The following CSMD1 variants were observed in gnomAD, a reference collection of about 807,000 sequenced individuals.
CSMD1 encodes the protein CUB and sushi domain-containing protein 1.
Under a neutral mutation model 417.5 loss-of-function variants are expected in CSMD1, and 213 were observed. The observed-to-expected ratio is 0.51, with a 90% confidence interval of 0.46 to 0.57. CSMD1 has a LOEUF of 0.57. Among genes scored for constraint, CSMD1 ranks in the 20% least tolerant of loss-of-function variants. The pLI is 0.00. For synonymous variants in CSMD1, 2,862 were observed against 1,736.8 expected (o/e 1.65, Z -16.11); for missense variants, 6,923 against 4,529.7 (o/e 1.53, Z -15.17).
intron 5 of CSMD1, among the ~76,000 whole-genome samples, chr8:3,819,140 G>C (rs1280048528): frequency 6.6e-6 from 1 of 152,158 alleles, no homozygotes; most frequent in African/African-American, 2.4e-5. Context: ...TGGTCTAGCA[G>C]GCGGAAAGGA....
At chr8:4,387,521 G>C (rs1447878468) in intron 3 of CSMD1, among the ~76,000 whole-genome samples, 1 of 124,206 alleles carries the variant, frequency 8.1e-6, no homozygotes, top group Non-Finnish European at 1.6e-5. Flanking sequence ...TATTTCTGTG[G>C]GAGCTTATCT....
chr8:3,932,882 A>T (rs2554657), intron 5 of CSMD1, among the ~76,000 whole-genome samples: 1,672 of 150,488 alleles, frequency 0.011, 134 homozygotes, highest in East Asian at 0.1. Context: ...AATGTTTTTG[A>T]ATTTTCTATT....
At chr8:4,628,123 G>GTATA (rs34664052) in intron 2 of CSMD1, among the ~76,000 whole-genome samples, 3,000 of 148,042 alleles carry the variant, frequency 0.02, 42 homozygotes, top group Middle Eastern at 0.071. Flanking sequence ...CTGTGTGTGT[G>GTATA]TATATATATA....
intron 5 of CSMD1, among the ~76,000 whole-genome samples, chr8:3,884,203 G>A (rs1012501348): frequency 6.6e-6 from 1 of 152,162 alleles, no homozygotes; most frequent in Non-Finnish European, 1.5e-5. Flanking sequence ...AAATAGGTAA[G>A]TTTGTTTAAT....
intron 41 of CSMD1, among the ~76,000 whole-genome samples, chr8:3,122,536 C>A (rs965151256): frequency 1.3e-5 from 2 of 152,108 alleles, no homozygotes; most frequent in African/African-American, 4.8e-5. Flanking sequence ...ATTGTATCTC[C>A]CAGAATTCCC....
In CSMD1 at chr8:4,318,580, AC is replaced by A. The variant is rs368124672; in HGVS notation, c.415+101372del. Among the ~76,000 whole-genome samples the A allele has an allele frequency of 2.8e-4, 43 of 152,248 alleles. No individual in the cohort carries two copies. In the East Asian group the frequency reaches 7.5e-3, roughly 27 times the overall value. ...GCTTTTACACTAAAAAGAATAAAAA[AC>A]ATGTTGATTGAAATGTTTACCCTTA... On this transcript the variant is annotated intron_variant, in intron 3 of 69. Coordinates refer to ENST00000635120, the MANE Select transcript of CSMD1 (RefSeq NM_033225.6).
At chr8:3,207,738 G>A (rs73660613) in intron 30 of CSMD1, among the ~76,000 whole-genome samples, 1 of 152,140 alleles carries the variant, frequency 6.6e-6, no homozygotes, top group Non-Finnish European at 1.5e-5. Flanking sequence ...AAAGCTGACA[G>A]AAATTTAAGC....
intron 26 of CSMD1, among the ~76,000 whole-genome samples, chr8:3,263,346 G>A (rs1245156646): frequency 2.0e-5 from 3 of 152,196 alleles, no homozygotes; most frequent in Admixed American, 2.0e-4. Context: ...TGATCTGCCT[G>A]CCTTGACCTG....
At chr8:3,199,453 T>G (rs74878473) in intron 33 of CSMD1, among the ~76,000 whole-genome samples, 7,255 of 152,300 alleles carry the variant, frequency 0.048, 192 homozygotes, top group South Asian at 0.089. Context: ...AGAAAGGTAA[T>G]ATGATCAATA....
chr8:4,112,493 C>T (rs551883553), intron 3 of CSMD1, among the ~76,000 whole-genome samples: 1 of 152,254 alleles, frequency 6.6e-6, no homozygotes, highest in Admixed American at 6.5e-5. Flanking sequence ...ATGGAGTGAC[C>T]CATCCTGAAT....
intron 22 of CSMD1, among the ~76,000 whole-genome samples, chr8:3,346,495 A>G (rs1427185478): frequency 6.6e-6 from 1 of 152,232 alleles, no homozygotes; most frequent in East Asian, 1.9e-4. Context: ...TCTTCATGAC[A>G]GTCCCTCATA....
rs1554532940 is a variant in CSMD1 at position 4,962,197 on chromosome 8, T to TTTA, written c.85+32134_85+32135insTAA. On this transcript the variant is annotated intron_variant, in intron 1 of 69. Coordinates refer to ENST00000635120, the MANE Select transcript of CSMD1 (RefSeq NM_033225.6). ...TAAATGTAAATTTCTGCTTTTTTTTTAAAAAAAAAAGAAAAAAACAAATAT... is the reference window on the plus strand; with the variant it reads ...TAAATGTAAATTTCTGCTTTTTTTTTTTAAAAAAAAAAAGAAAAAAACAAATAT... 3.8e-3 allele frequency among the ~76,000 whole-genome samples: 459 copies of TTTA among 121,282 alleles called. 1 individual carries two copies. Among genetic ancestry groups the TTTA allele is most frequent in the Non-Finnish European group, 6.6e-3 (362 of 54,556 alleles). The allele number at this position is 121,282 out of a possible 152,430, so 79.6% of individuals were successfully genotyped here.
At chr8:3,605,936 G>A (rs1317501112) in intron 8 of CSMD1, among the ~76,000 whole-genome samples, 1 of 152,138 alleles carries the variant, frequency 6.6e-6, no homozygotes, top group Non-Finnish European at 1.5e-5. Context: ...TGGCTTGTTA[G>A]CCTCAGTTTA....
chr8:3,475,206 G>A (rs1297406859), intron 11 of CSMD1, among the ~76,000 whole-genome samples: 1 of 152,066 alleles, frequency 6.6e-6, no homozygotes, highest in Non-Finnish European at 1.5e-5. Context: ...TTTGCCTCTA[G>A]GTCATCACAG....
intron 12 of CSMD1, among the ~76,000 whole-genome samples, chr8:3,456,834 G>C (rs1481403505): frequency 6.6e-6 from 1 of 152,074 alleles, no homozygotes; most frequent in African/African-American, 2.4e-5. Context: ...GAACAAACTG[G>C]ATGCAGAACT....
intron 3 of CSMD1, among the ~76,000 whole-genome samples, chr8:4,228,305 T>C (rs912469844): frequency 6.6e-6 from 1 of 152,208 alleles, no homozygotes; most frequent in Non-Finnish European, 1.5e-5. Context: ...GTAAAACTCT[T>C]TGAAATAGGT....
chr8:3,952,789 G>T (rs1811677303), intron 5 of CSMD1, among the ~76,000 whole-genome samples: 1 of 152,152 alleles, frequency 6.6e-6, no homozygotes, highest in South Asian at 2.1e-4. Flanking sequence ...AGAAGTACTT[G>T]ATTATTAAGC....
intron 6 of CSMD1, among the ~76,000 whole-genome samples, chr8:3,715,494 G>T (rs553354058): frequency 1.2e-4 from 18 of 151,996 alleles, no homozygotes; most frequent in African/African-American, 4.4e-4. Flanking sequence ...AAAATGTGTT[G>T]TTCCATTTCC....
intron 3 of CSMD1, among the ~76,000 whole-genome samples, chr8:4,087,787 T>C (rs1800497614): frequency 6.6e-6 from 1 of 152,164 alleles, no homozygotes. Flanking sequence ...TTTTATATTG[T>C]CTCACATTTA....
Sources: allele counts gnomAD v4.1 joint callset (sites outside exome capture counted in the v4.1 genomes callset), GRCh38; gene constraint gnomAD v4.1.1; transcripts MANE v1.5; gene names NCBI Gene and HGNC (gene_info 2026-07-23, HGNC 2026-07-21).